PCYT1A: variants seen among roughly 807,000 people sequenced by gnomAD.
PCYT1A encodes the protein choline-phosphate cytidylyltransferase A.
A neutral mutation model predicts 43.7 loss-of-function variants in PCYT1A; 25 were observed. The observed-to-expected ratio is 0.57, with a 90% CI of 0.42 to 0.80. The LOEUF (loss-of-function observed/expected upper bound fraction) is 0.80, where lower values mean the gene tolerates loss of function less well. Ranked by LOEUF, PCYT1A falls within the 30% of genes least tolerant of loss-of-function variation. PCYT1A has a pLI of 0.00. For missense variants in PCYT1A, 421 were observed against 474.2 expected (o/e 0.89, Z 1.04); for synonymous variants, 172 against 170.7 (o/e 1.01, Z -0.06).
intron 1 of PCYT1A, among the ~76,000 whole-genome samples, chr3:196,272,464 G>A (rs1367718296): frequency 2.0e-5 from 3 of 152,160 alleles, no homozygotes; most frequent in African/African-American, 2.4e-5. Context: ...AATTACAGGC[G>A]TGAGCCATGG....
Position 196,236,753 on chromosome 3 carries a change from G to C in PCYT1A, c.*1935C>G, listed in dbSNP as rs558771606. 2.6e-5 allele frequency: 4 copies of C among 152,290 alleles called. No homozygotes were observed. Among genetic ancestry groups the C allele is most frequent in the Admixed American group, 2.6e-4 (4 of 15,280 alleles). 9.4% of individuals were successfully genotyped at this position (152,290 alleles called of 1,614,324 possible). On this transcript the variant is annotated 3_prime_UTR_variant, in exon 9 of 9. Transcript: ENST00000431016. The stretch of plus-strand genomic sequence containing the variant: ...ACCATCTCTGCTCACTGCAACCTCC[G>C]CCTCCTGGGTTCAAGGGATTCTCCT...
At position 196,273,136 on chromosome 3, in the gene PCYT1A, A is replaced by G. The variant is rs535001795; in HGVS notation, c.-10-2595T>C. On this transcript the variant is annotated intron_variant, in intron 1 of 8. Transcript: ENST00000431016. This position sits in a 1 kb window ranked among gnomAD's most constrained non-coding sequence, Gnocchi z 4.1. ...GCTGCAGCTGAACCAGGCGTACTAC[A>G]AGCAGCTTCCACTGCAGGCACTGGG... is the stretch of plus-strand genomic sequence containing the variant. 1.1e-3 allele frequency among the ~76,000 whole-genome samples: 169 copies of G among 152,294 alleles called. No individual in the cohort carries two copies. The highest frequency in any genetic ancestry group is 4.0e-3 in the African/African-American group (166 of 41,562).
intron 1 of PCYT1A, among the ~76,000 whole-genome samples, chr3:196,285,490 A>G (rs968396054): frequency 6.6e-6 from 1 of 152,170 alleles, no homozygotes; most frequent in Non-Finnish European, 1.5e-5. Flanking sequence ...TAAAATAAAA[A>G]GGGCTGTAAG....
At position 196,249,963 on chromosome 3, in the gene PCYT1A, A is replaced by G. The variant is rs115044549; in HGVS notation, c.218-1640T>C. ...GCTGAGGACCAGATACACCATGCTGAGGTTGAGTACCACATACACTATGCT... is the reference window on the plus strand; with the variant it reads ...GCTGAGGACCAGATACACCATGCTGGGGTTGAGTACCACATACACTATGCT... On this transcript the variant is annotated intron_variant, in intron 3 of 8. Coordinates refer to ENST00000431016, the MANE Select transcript of PCYT1A (RefSeq NM_001312673.2). 7.8e-4 allele frequency among the ~76,000 whole-genome samples: 119 copies of G among 151,848 alleles called. 1 individual carries two copies. Among genetic ancestry groups the G allele is most frequent in the African/African-American group, 2.8e-3 (114 of 41,344 alleles).
intron 1 of PCYT1A, among the ~76,000 whole-genome samples, chr3:196,271,330 T>C (rs1725425410): frequency 6.6e-6 from 1 of 152,218 alleles, no homozygotes; most frequent in Non-Finnish European, 1.5e-5. Context: ...ATTTCTTAAC[T>C]CTAAAAGTTC....
At chr3:196,241,273 G>A (rs1048064079) in intron 7 of PCYT1A, among the ~76,000 whole-genome samples, 3 of 151,698 alleles carry the variant, frequency 2.0e-5, no homozygotes, top group East Asian at 1.9e-4. Context: ...CTCCAGCCTC[G>A]GTGACAGAGC....
At chr3:196,265,674 G>A (rs1247368115) in intron 2 of PCYT1A, among the ~76,000 whole-genome samples, 4 of 151,918 alleles carry the variant, frequency 2.6e-5, no homozygotes, top group African/African-American at 9.7e-5. Context: ...TGTCATCTCA[G>A]CACTTAGGGA....
At chr3:196,256,552 T>A (rs1724957058) in intron 3 of PCYT1A, among the ~76,000 whole-genome samples, 1 of 152,168 alleles carries the variant, frequency 6.6e-6, no homozygotes, top group South Asian at 2.1e-4. Context: ...TTTGTTTGTT[T>A]GTTTTGAGAC....
In PCYT1A at chr3:196,242,811, C is replaced by T; in HGVS notation, c.487-171G>A. On this transcript the variant is annotated intron_variant, in intron 5 of 8. Transcript: ENST00000431016. The surrounding 1 kb of genome is among the most constrained non-coding windows in gnomAD (Gnocchi z 4.2). ...TACAATCTATTCACAAACCACCCAA[C>T]CTAATGATTTATGGAGTATACATAT... 1.6e-6 allele frequency: 1 copy of T among 626,348 alleles called. No homozygotes were observed. The allele number at this position is 626,348 out of a possible 1,614,324, so 38.8% of individuals were successfully genotyped here.
chr3:196,285,670 T>C (rs1725889621), intron 1 of PCYT1A, among the ~76,000 whole-genome samples: 1 of 152,186 alleles, frequency 6.6e-6, no homozygotes, highest in Non-Finnish European at 1.5e-5. Flanking sequence ...AATCATTGAA[T>C]TAGAGAGCTA....
chr3:196,280,572 T>TTG (rs1553837256), intron 1 of PCYT1A, among the ~76,000 whole-genome samples: 1 of 137,642 alleles, frequency 7.3e-6, no homozygotes, highest in African/African-American at 3.0e-5. Flanking sequence ...TTTTTATTGT[T>TTG]TTTTTTTTTT....
chr3:196,242,398 G>T lies in PCYT1A; in HGVS notation c.565+164C>A, dbSNP rs1204935244. ...ATGGATGTCATGAACTGACGACAAAGAATTGATGGGTGCTATGCTCATCTT... is the reference window on the plus strand; with the variant it reads ...ATGGATGTCATGAACTGACGACAAATAATTGATGGGTGCTATGCTCATCTT... On this transcript the variant is annotated intron_variant, in intron 6 of 8. Transcript: ENST00000431016. The surrounding 1 kb of genome is among the most constrained non-coding windows in gnomAD (Gnocchi z 4.2). The T allele has an allele frequency of 2.8e-6, 2 of 718,366 alleles. No homozygotes were observed. The highest frequency in any genetic ancestry group is 3.5e-5 in the African/African-American group (2 of 57,412). 44.5% of individuals were successfully genotyped at this position (718,366 alleles called of 1,614,324 possible). A position where few individuals can be genotyped will look rare whatever the true frequency, so the allele number is the denominator to read the frequency against.
At chr3:196,253,777 G>C (rs186896923) in intron 3 of PCYT1A, among the ~76,000 whole-genome samples, 2 of 152,040 alleles carry the variant, frequency 1.3e-5, no homozygotes, top group Non-Finnish European at 2.9e-5. Context: ...CGGCCAGAAG[G>C]GGTCACTGTT....
In PCYT1A at chr3:196,247,430, G is replaced by A. The variant is rs1387307755; in HGVS notation, c.423C>T (p.Tyr141=). The A allele has an allele frequency of 4.3e-6, 7 of 1,614,070 alleles. No homozygotes were observed. Among genetic ancestry groups the A allele is most frequent in the African/African-American group, 4.0e-5 (3 of 74,926 alleles). ...GCGCATTCCTCACCACCTCATCCACGTAGCGGCAGTGCTGGACTGCGTCAT... is the reference window on the plus strand; with the variant it reads ...GCGCATTCCTCACCACCTCATCCACATAGCGGCAGTGCTGGACTGCGTCAT... The part of the protein sequence containing the change: ...ERYDAVQHCR[Y]VDEVVRNAPW... The change falls in exon 5 of 9, where the codon TAC becomes TAT. Residue 141 remains tyrosine (Y), a synonymous_variant. Transcript: ENST00000431016. This position sits in a 1 kb window ranked among gnomAD's most constrained non-coding sequence, Gnocchi z 4.8.
chr3:196,238,903 A>G lies in PCYT1A; in HGVS notation c.898-9T>C. 1 of 1,397,982 alleles carries G rather than the reference A, an allele frequency of 7.2e-7. No individual in the cohort carries two copies. The highest frequency in any genetic ancestry group is 9.3e-7 in the Non-Finnish European group (1 of 1,072,288). The allele number at this position is 1,397,982 out of a possible 1,614,324, so 86.6% of individuals were successfully genotyped here. On this transcript the variant is annotated splice_polypyrimidine_tract_variant and intron_variant, in intron 8 of 8. Transcript: ENST00000431016. ...TCTTTCAGCATATGTTTCTGCAGAA[A>G]CCGAAAGGAAGAGTCAGAAAAACAC...
rs1011209568 is a variant in PCYT1A, at chr3:196,277,987, C to T, written c.-10-7446G>A. ...TCTCTCACATCTACTAACTTATAAC[C>T]GCAGCACCAAAGCATACAGAATAAT... On this transcript the variant is annotated intron_variant, in intron 1 of 8. Transcript: ENST00000431016. The surrounding 1 kb of genome is among the most constrained non-coding windows in gnomAD (Gnocchi z 4.1). 1.3e-5 allele frequency among the ~76,000 whole-genome samples: 2 copies of T among 152,136 alleles called. No homozygotes were observed. Among genetic ancestry groups the T allele is most frequent in the African/African-American group, 4.8e-5 (2 of 41,402 alleles).
chr3:196,276,648 A>C (rs529808864), intron 1 of PCYT1A, among the ~76,000 whole-genome samples: 2 of 152,096 alleles, frequency 1.3e-5, no homozygotes, highest in South Asian at 2.1e-4. Context: ...TATTTTCTCA[A>C]GGAAGCTTCA....
intron 1 of PCYT1A, among the ~76,000 whole-genome samples, chr3:196,274,584 G>A (rs1725535126): frequency 6.6e-6 from 1 of 152,202 alleles, no homozygotes; most frequent in Admixed American, 6.5e-5. Context: ...ACAAGATACG[G>A]TTCAGAGAAA....
intron 5 of PCYT1A, among the ~76,000 whole-genome samples, chr3:196,244,186 A>C (rs932957675): frequency 8.7e-6 from 1 of 114,828 alleles, no homozygotes; most frequent in Non-Finnish European, 1.8e-5. Flanking sequence ...CCCGACCGCC[A>C]CCCAGTCTTG....
Sources: gnomAD v4.1 joint callset for allele counts (sites outside exome capture counted in the v4.1 genomes callset) on GRCh38, gnomAD v4.1.1 for gene constraint, Gnocchi (gnomAD v3.1) non-coding constraint, MANE v1.5 for transcripts, NCBI Gene and HGNC (gene_info 2026-07-23, HGNC 2026-07-21) for gene names.